CNIH3: variants seen among roughly 807,000 people sequenced by gnomAD.
CNIH3 encodes cornichon family AMPA receptor auxiliary protein 3, also known as protein cornichon homolog 3.
Under a neutral mutation model 24.1 loss-of-function variants are expected in CNIH3, and 14 were observed. The ratio of observed to expected loss-of-function variants is 0.58; its 90% confidence interval spans 0.38 to 0.91. The LOEUF is 0.91. Ranked by LOEUF, CNIH3 falls within the 40% of genes least tolerant of loss-of-function variation. The pLI is 0.00. For missense variants in CNIH3, 178 were observed against 196.8 expected (o/e 0.90, Z 0.57); for synonymous variants, 68 against 73.8 (o/e 0.92, Z 0.40).
At chr1:224,509,863 C>T (rs1478461787) in intron 1 of CNIH3, among the ~76,000 whole-genome samples, 3 of 152,204 alleles carry the variant, frequency 2.0e-5, no homozygotes, top group African/African-American at 4.8e-5. Flanking sequence ...GAGCTGCAGG[C>T]GACAGTGTCA....
At chr1:224,445,511 G>A (rs1441568023) in intron 1 of CNIH3, among the ~76,000 whole-genome samples, 2 of 149,806 alleles carry the variant, frequency 1.3e-5, no homozygotes, top group Non-Finnish European at 3.0e-5. Context: ...GGGAGGTGGA[G>A]GTTGCAATGA....
At chr1:224,660,621 T>A (rs1685305611) in intron 1 of CNIH3, among the ~76,000 whole-genome samples, 1 of 152,184 alleles carries the variant, frequency 6.6e-6, no homozygotes, top group Non-Finnish European at 1.5e-5. Context: ...AAGCTTAACG[T>A]TGCATGTTTA....
chr1:224,461,099 T>G (rs2102982503), intron 1 of CNIH3, among the ~76,000 whole-genome samples: 1 of 152,020 alleles, frequency 6.6e-6, no homozygotes, highest in Middle Eastern at 3.4e-3. Flanking sequence ...ACCTCCTGGG[T>G]TCAAGAAATT....
Position 224,616,837 on chromosome 1 carries a change from C to T in CNIH3, c.-338C>T. The stretch of plus-strand genomic sequence containing the variant: ...TCCGTGGAGTCGTCGCATCGCTTGT[C>T]GTGTTGGTCTCGAGGGGCTCACAGC... On this transcript the variant is annotated 5_prime_UTR_variant, in exon 1 of 6. Coordinates refer to ENST00000272133, the MANE Select transcript of CNIH3 (RefSeq NM_152495.2). 4.4e-6 allele frequency: 5 copies of T among 1,130,340 alleles called. No individual in the cohort carries two copies. Among genetic ancestry groups the T allele is most frequent in the Non-Finnish European group, 5.4e-6 (5 of 922,468 alleles). 70.0% of individuals were successfully genotyped at this position (1,130,340 alleles called of 1,614,324 possible). A position where few individuals can be genotyped will look rare whatever the true frequency, so the allele number is the denominator to read the frequency against.
At chr1:224,611,792 C>CT (rs1418384958), upstream of CNIH3, among the ~76,000 whole-genome samples, 1 of 152,198 alleles carries the variant, frequency 6.6e-6, no homozygotes, top group Admixed American at 6.5e-5. Context: ...TACTGTGTCA[C>CT]TAGTACTTTT....
intron 1 of CNIH3, among the ~76,000 whole-genome samples, chr1:224,482,686 T>C (rs957637405): frequency 6.6e-6 from 1 of 151,946 alleles, no homozygotes; most frequent in African/African-American, 2.4e-5. Context: ...TTTGGAGCTG[T>C]GAGCTGTACT....
At chr1:224,537,764 TAAG>T (rs1297942137), downstream of CNIH3, among the ~76,000 whole-genome samples, 1 of 152,204 alleles carries the variant, frequency 6.6e-6, no homozygotes, top group Non-Finnish European at 1.5e-5. Flanking sequence ...GCAGCAATTA[TAAG>T]AACAATAACA....
chr1:224,673,086 A>G (rs1015801833), intron 1 of CNIH3, among the ~76,000 whole-genome samples: 12 of 152,180 alleles, frequency 7.9e-5, no homozygotes, highest in African/African-American at 2.9e-4. Context: ...ACTGCTCAGA[A>G]CGGACTTGAA....
At chr1:224,694,257 A>G (rs1687062507) in intron 3 of CNIH3, among the ~76,000 whole-genome samples, 1 of 152,172 alleles carries the variant, frequency 6.6e-6, no homozygotes, top group African/African-American at 2.4e-5. Context: ...CTCACCTGAG[A>G]CACAACAGAA....
rs867773080 is a variant in CNIH3, at chr1:224,474,999, C to T, written n.203+40137C>T. On this transcript the variant is annotated intron_variant and non_coding_transcript_variant, in intron 1 of 5. Coordinates refer to the CNIH3 transcript ENST00000471578. ...GGCGGGGCTTGCAGTGAGTCGAGAT[C>T]GTGCCACTGCACTCCAGCCTGAGCG... Among the ~76,000 whole-genome samples, 441 of 132,872 alleles carry T rather than the reference C, an allele frequency of 3.3e-3. 2 individuals carry two copies. In the Middle Eastern group the frequency reaches 0.041, roughly 12 times the overall value. 87.2% of individuals were successfully genotyped at this position (132,872 alleles called of 152,430 possible).
chr1:224,522,696 G>A (rs1382883469), intron 2 of CNIH3, among the ~76,000 whole-genome samples: 1 of 152,154 alleles, frequency 6.6e-6, no homozygotes, highest in East Asian at 1.9e-4. Context: ...CCTGGAAACA[G>A]CAAGGAGATC....
At chr1:224,728,609 T>C (rs775457162) in intron 3 of CNIH3, among the ~76,000 whole-genome samples, 19 of 152,212 alleles carry the variant, frequency 1.2e-4, no homozygotes, top group Non-Finnish European at 2.2e-4. Context: ...GTGCTGTGCA[T>C]GTCTTTATTT....
At chr1:224,445,205 C>A (rs745463074) in intron 1 of CNIH3, among the ~76,000 whole-genome samples, 13 of 151,982 alleles carry the variant, frequency 8.6e-5, no homozygotes, top group Non-Finnish European at 1.6e-4. Context: ...TGTCTATATA[C>A]ATTTTTTGCT....
rs61155218 is a variant in CNIH3, at chr1:224,499,667, A to C, written n.204-16074A>C. On this transcript the variant is annotated intron_variant and non_coding_transcript_variant, in intron 1 of 5. Coordinates refer to the CNIH3 transcript ENST00000471578. ...ACCTTTCTAGTTTCAATTTTTTATA[A>C]CTCTCTATTTCGGGTCATTTTTTGA... is the stretch of plus-strand genomic sequence containing the variant. Among the ~76,000 whole-genome samples, 1,273 of 152,046 alleles carry C rather than the reference A, an allele frequency of 8.4e-3. 16 individuals are homozygous for C. The highest frequency in any genetic ancestry group is 0.029 in the African/African-American group (1,197 of 41,460).
chr1:224,461,788 A>G (rs1030923234), intron 1 of CNIH3, among the ~76,000 whole-genome samples: 20 of 152,200 alleles, frequency 1.3e-4, no homozygotes, highest in African/African-American at 4.8e-4. Flanking sequence ...ATCAATTAGC[A>G]GTCATTTCCC....
chr1:224,558,680 A>G (rs1358943870), intron 3 of CNIH3, among the ~76,000 whole-genome samples: 1 of 152,138 alleles, frequency 6.6e-6, no homozygotes, highest in African/African-American at 2.4e-5. Context: ...CCACCCCTTG[A>G]TGGGAGTGGT....
chr1:224,674,438 A>G lies in CNIH3; in HGVS notation c.82-6520A>G, dbSNP rs145195659. Among the ~76,000 whole-genome samples, 253 of 152,160 alleles carry G rather than the reference A, an allele frequency of 1.7e-3. 2 individuals are homozygous for G. The highest frequency in any genetic ancestry group is 4.9e-3 in the African/African-American group (202 of 41,504). ...GAGATGCTTTATAGAGTGTTTCTAT[A>G]GTTTCCCACCTCTTGAGGTGGGTCC... On this transcript the variant is annotated intron_variant, in intron 1 of 5. Transcript: ENST00000272133.
At chr1:224,699,998 G>A (rs1307460050) in intron 3 of CNIH3, among the ~76,000 whole-genome samples, 2 of 152,120 alleles carry the variant, frequency 1.3e-5, no homozygotes, top group Middle Eastern at 3.2e-3. Flanking sequence ...CTGGCCCACC[G>A]CCTACTGGAC....
intron 1 of CNIH3, among the ~76,000 whole-genome samples, chr1:224,663,817 A>G (rs560720158): frequency 2.2e-4 from 33 of 152,340 alleles, no homozygotes; most frequent in African/African-American, 7.9e-4. Context: ...TGACAGAGTC[A>G]AAGAGAGAGA....
Sources: allele counts gnomAD v4.1 joint callset (sites outside exome capture counted in the v4.1 genomes callset), GRCh38; gene constraint gnomAD v4.1.1; transcripts MANE v1.5; gene names NCBI Gene and HGNC (gene_info 2026-07-23, HGNC 2026-07-21).